The following VILL variants were observed in gnomAD, a reference collection of about 807,000 sequenced individuals.
VILL encodes the protein villin-like protein.
Under a neutral mutation model 106.3 loss-of-function variants are expected in VILL, and 102 were observed. The ratio of observed to expected loss-of-function variants is 0.96; its 90% CI spans 0.82 to 1.13. VILL has a LOEUF of 1.13. Ranked by LOEUF, VILL falls within the 50% of genes most tolerant of loss-of-function variation. VILL has a pLI of 0.00. For synonymous variants in VILL, 431 were observed against 440.3 expected (o/e 0.98, Z 0.27); for missense variants, 1,076 against 1,116.6 (o/e 0.96, Z 0.52).
At position 37,999,419 on chromosome 3, in the gene VILL, G is replaced by A. The variant is rs748534844; in HGVS notation, c.1162G>A (p.Asp388Asn). 5.4e-6 allele frequency: 8 copies of A among 1,487,266 alleles called. No homozygotes were observed. The highest frequency in any genetic ancestry group is 5.1e-5 in the East Asian group (2 of 38,884). 92.1% of individuals were successfully genotyped at this position (1,487,266 alleles called of 1,614,324 possible). Residue 388 changes from aspartate to asparagine, a missense_variant, in exon 11 of 20, where the codon GAC becomes AAC. Transcript: ENST00000383759. ...KLAAQLRMVD[D>N]GSGKVEVWCI... is the part of the protein sequence containing the mutation. ...AGCGGCCCAGCTCAGGATGGTGGAC[G>A]ACGGCTCTGGGAAGGTGGAGGTGAG...
chr3:38,006,183 C>A lies in VILL; in HGVS notation c.2136C>A (p.Ser712Arg), dbSNP rs944157012. The change falls in exon 18 of 20, where the codon AGC becomes AGA. Residue 712 changes from serine (S) to arginine (R), a missense_variant and splice_region_variant. Physicochemically the swap from Ser to Arg is moderately radical, Grantham distance 110. Coordinates refer to ENST00000383759, the MANE Select transcript of VILL (RefSeq NM_015873.4). ...FFTWDPYKWT[S>R]HPSHKEVVDG... ...ACTTGCCCCGATTCTTGCTCCAGAG[C>A]CACCCGTCCCACAAGGAAGTGGTGG... 1.2e-6 allele frequency: 2 copies of A among 1,614,076 alleles called. No individual in the cohort carries two copies. The highest frequency in any genetic ancestry group is 8.5e-7 in the Non-Finnish European group (1 of 1,180,048).
chr3:37,991,388 G>A (rs1395718859), intron 1 of VILL, among the ~76,000 whole-genome samples: 1 of 151,480 alleles, frequency 6.6e-6, no homozygotes, highest in Admixed American at 6.6e-5. Context: ...TGGGGAGGAG[G>A]GTGGGGAGGG....
Position 37,994,458 on chromosome 3 carries a change from G to C in VILL, c.333G>C (p.Pro111=), listed in dbSNP as rs761622292. The part of the protein sequence containing the change: ...ESDCFCSYFR[P]GIIYRKGGLA... ...ACTGCTTCTGCAGCTACTTCCGCCCGGGAATCATGTGAGTGCGGGGGCGAC... is the reference window on the plus strand; with the variant it reads ...ACTGCTTCTGCAGCTACTTCCGCCCCGGAATCATGTGAGTGCGGGGGCGAC... The change falls in exon 4 of 20, where the codon CCG becomes CCC. Residue 111 remains proline (P), a synonymous_variant. Transcript: ENST00000383759. 4 of 1,612,284 alleles carry C rather than the reference G, an allele frequency of 2.5e-6. No individual in the cohort carries two copies. The highest frequency in any genetic ancestry group is 1.7e-4 in the Middle Eastern group (1 of 6,038).
chr3:38,006,502 C>T lies in VILL; in HGVS notation c.2259C>T (p.Ala753=), dbSNP rs367991919. ...SRWPGNGRAG[A]VALQALKGSQ... is the part of the protein sequence containing the mutation. ...GGCCGGGCAATGGCAGGGCAGGTGC[C>T]GTGGCCCTGCAGGCCCTCAAGGGCT... is the stretch of plus-strand genomic sequence containing the variant. Residue 753 remains alanine, a synonymous_variant, in exon 19 of 20, where the codon GCC becomes GCT. Coordinates refer to ENST00000383759, the MANE Select transcript of VILL (RefSeq NM_015873.4). The T allele has an allele frequency of 3.5e-5, 56 of 1,610,306 alleles. No individual in the cohort carries two copies. Among genetic ancestry groups the T allele is most frequent in the East Asian group, 4.5e-5 (2 of 44,766 alleles).
At chr3:38,004,432 G>T in intron 16 of VILL, 33 bp downstream of exon 16, 1 of 1,591,686 alleles carries the variant, frequency 6.3e-7, no homozygotes, top group Non-Finnish European at 8.6e-7. Context: ...GTGGGGCTGT[G>T]AACGGGGGTG....
At chr3:38,004,103 G>T in intron 15 of VILL, 152 bp from the exon 16 acceptor site, 2 of 977,066 alleles carry the variant, frequency 2.0e-6, no homozygotes, top group Non-Finnish European at 3.0e-6. Context: ...AGAGCAGAGC[G>T]GAGTGCTCGG....
Position 38,002,523 on chromosome 3 carries a change from G to T in VILL, c.1607G>T (p.Ser536Ile), listed in dbSNP as rs557333548. 9.9e-6 allele frequency: 16 copies of T among 1,614,200 alleles called. No individual in the cohort carries two copies. In the African/African-American group the frequency reaches 2.0e-4, roughly 20 times the overall value. Residue 536 changes from serine to isoleucine, a missense_variant, in exon 14 of 20, where the codon AGT becomes ATT. By Grantham distance (142) the Ser-to-Ile change is moderately radical (BLOSUM62 -2). Transcript: ENST00000383759. ...VPARASSLNSSDIFLLVTASV... is the reference protein window; with the variant it reads ...VPARASSLNSIDIFLLVTASV... The stretch of plus-strand genomic sequence containing the variant: ...GCCCGTGCCTCATCCCTCAACTCCA[G>T]TGACATCTTCTTGCTGGTCACAGCC...
At chr3:38,001,287 C>T in intron 11 of VILL, 169 bp from the exon 12 acceptor site, 1 of 1,025,522 alleles carries the variant, frequency 9.8e-7, no homozygotes, top group Middle Eastern at 2.9e-4. Flanking sequence ...GATCCTTGTA[C>T]AAAGCCCAGC....
intron 15 of VILL, 73 bp from the exon 16 acceptor site, chr3:38,004,182 G>T: frequency 6.5e-7 from 1 of 1,545,604 alleles, no homozygotes. Flanking sequence ...CCAGGCCCTG[G>T]GGTGGGGCAC....
chr3:37,994,461 A>T lies in VILL; in HGVS notation c.336A>T (p.Gly112=). 6.2e-7 allele frequency: 1 copy of T among 1,612,250 alleles called. No homozygotes were observed. Among genetic ancestry groups the T allele is most frequent in the Non-Finnish European group, 8.5e-7 (1 of 1,179,744 alleles). Residue 112 remains glycine, a synonymous_variant, in exon 4 of 20, where the codon GGA becomes GGT. Transcript: ENST00000383759. Reference sequence around the variant, plus strand: ...GCTTCTGCAGCTACTTCCGCCCGGGAATCATGTGAGTGCGGGGGCGACCGG... The same window carrying T: ...GCTTCTGCAGCTACTTCCGCCCGGGTATCATGTGAGTGCGGGGGCGACCGG... ...SDCFCSYFRP[G]IIYRKGGLAS... is the part of the protein sequence containing the mutation.
intron 17 of VILL, 68 bp from the exon 18 acceptor site, chr3:38,006,113 C>T (rs1699915445): frequency 1.9e-6 from 3 of 1,610,738 alleles, no homozygotes; most frequent in Non-Finnish European, 2.5e-6. Flanking sequence ...CCTCAGGCCC[C>T]TCATGTGTCC....
At chr3:37,989,144 G>A (rs773835445), upstream of VILL, among the ~76,000 whole-genome samples, 7 of 152,242 alleles carry the variant, frequency 4.6e-5, no homozygotes, top group South Asian at 2.1e-4. Flanking sequence ...AGTGGCTTGC[G>A]GGAGAGAGAA....
intron 11 of VILL, among the ~76,000 whole-genome samples, chr3:38,000,393 G>C (rs753618297): frequency 3.2e-4 from 48 of 151,954 alleles, no homozygotes; most frequent in Non-Finnish European, 4.0e-4. Flanking sequence ...GAAGGACAGG[G>C]GATGAGGAGG....
At chr3:38,001,202 G>A (rs1699808843) in intron 11 of VILL, 2 of 587,294 alleles carry the variant, frequency 3.4e-6, no homozygotes, top group South Asian at 2.0e-5. Flanking sequence ...ACTAGGGCTG[G>A]GCATGTGGCT....
At position 38,003,222 on chromosome 3, in the gene VILL, A is replaced by G; in HGVS notation, c.1714A>G (p.Arg572Gly). Residue 572 changes from arginine to glycine, a missense_variant, in exon 15 of 20, where the codon AGG becomes GGG. Physicochemically the swap from Arg to Gly is moderately radical, Grantham distance 125. Transcript: ENST00000383759. ...ACGGGTGGTGGTCACTGTCATTTCC[A>G]GGAAGAATGAGGAAACGGTGCTGGA... ...MARVVVTVIS[R>G]KNEETVLEGQ... The G allele has an allele frequency of 6.2e-7, 1 of 1,613,970 alleles. No individual in the cohort carries two copies. Among genetic ancestry groups the G allele is most frequent in the Non-Finnish European group, 8.5e-7 (1 of 1,179,958 alleles).
chr3:37,988,660 C>A (rs1055761047), upstream of VILL, among the ~76,000 whole-genome samples: 32 of 152,156 alleles, frequency 2.1e-4, 1 homozygote, highest in African/African-American at 6.8e-4. Context: ...GTCAGGAGTT[C>A]GCAACCAGCC....
intron 13 of VILL, 106 bp downstream of exon 13, chr3:38,001,966 A>C: frequency 6.5e-7 from 1 of 1,533,762 alleles, no homozygotes; most frequent in Non-Finnish European, 8.8e-7. Context: ...GGGCCTGCTT[A>C]TCATCCCCTA....
rs770417972 is a variant in VILL at position 37,998,980 on chromosome 3, G to A, written c.1011G>A (p.Ser337=). The change falls in exon 10 of 20, where the codon TCG becomes TCA. Residue 337 remains serine, a synonymous_variant. Transcript: ENST00000383759. This position sits in a 1 kb window ranked among gnomAD's most constrained non-coding sequence, Gnocchi z 4.1. ...NVEVVNDGAE[S]AAFKQLFRTW... ...AGGTGGTGAACGACGGCGCCGAGTC[G>A]GCCGCGTTCAAGCAGCTCTTCCGGA... The A allele has an allele frequency of 1.2e-6, 2 of 1,610,430 alleles. No individual in the cohort carries two copies. Among genetic ancestry groups the A allele is most frequent in the Non-Finnish European group, 1.7e-6 (2 of 1,178,512 alleles).
chr3:37,996,775 C>G (rs1699708606), intron 5 of VILL, among the ~76,000 whole-genome samples: 1 of 152,216 alleles, frequency 6.6e-6, no homozygotes, highest in Non-Finnish European at 1.5e-5. Context: ...CATAAGCACA[C>G]TTCTTCACAT....
Sources: allele counts gnomAD v4.1 joint callset (sites outside exome capture counted in the v4.1 genomes callset), GRCh38; gene constraint gnomAD v4.1.1; non-coding constraint Gnocchi (gnomAD v3.1); transcripts MANE v1.5; gene names NCBI Gene and HGNC (gene_info 2026-07-23, HGNC 2026-07-21).